The following NMU variants were observed in gnomAD, a reference collection of about 807,000 sequenced individuals.
NMU encodes neuromedin U.
NMU carries 29 observed loss-of-function variants against 35.4 expected under a neutral mutation model. The ratio of observed to expected loss-of-function variants is 0.82; its 90% CI spans 0.61 to 1.12. The LOEUF (loss-of-function observed/expected upper bound fraction) is 1.12, where lower values mean the gene tolerates loss of function less well. Ranked by LOEUF, NMU falls within the 50% of genes most tolerant of loss-of-function variation. The pLI is 0.00. For missense variants in NMU, 199 were observed against 206.2 expected (o/e 0.97, Z 0.21); for synonymous variants, 78 against 81.3 (o/e 0.96, Z 0.22).
intron 1 of NMU, among the ~76,000 whole-genome samples, chr4:55,632,712 A>G (rs1403867023): frequency 6.6e-6 from 1 of 152,156 alleles, no homozygotes; most frequent in Non-Finnish European, 1.5e-5. Context: ...TTCCTGTTTA[A>G]ATAATGCTAA....
intron 5 of NMU, 37 bp from the exon 6 acceptor site, chr4:55,607,385 T>A: frequency 1.4e-6 from 2 of 1,402,518 alleles, no homozygotes; most frequent in East Asian, 2.3e-5. Context: ...CTATAAAAAT[T>A]AATGGTTCCC....
chr4:55,602,567 A>T (rs10011801), intron 7 of NMU, among the ~76,000 whole-genome samples: 26,429 of 152,176 alleles, frequency 0.17, 2,443 homozygotes, highest in South Asian at 0.24. Context: ...ATGTAGTCAC[A>T]CTAATGATTG....
chr4:55,597,668 G>A (rs78055974), intron 9 of NMU, among the ~76,000 whole-genome samples: 3,308 of 152,098 alleles, frequency 0.022, 104 homozygotes, highest in African/African-American at 0.075. Flanking sequence ...GCCCAGCCGC[G>A]GGTATAGTTT....
At chr4:55,599,015 TAA>T in intron 9 of NMU, 125 bp downstream of exon 9, 1 of 656,542 alleles carries the variant, frequency 1.5e-6, no homozygotes, top group Non-Finnish European at 2.7e-6. Context: ...TGCAATCAAA[TAA>T]TAGAAATACA....
intron 7 of NMU, among the ~76,000 whole-genome samples, 154 bp from the exon 8 acceptor site, chr4:55,600,729 C>A (rs1177371217): frequency 6.6e-6 from 1 of 152,022 alleles, no homozygotes; most frequent in Non-Finnish European, 1.5e-5. Flanking sequence ...TTGTATCATA[C>A]CTGAAAATTT....
chr4:55,611,449 A>C (rs1212020685), intron 3 of NMU, among the ~76,000 whole-genome samples: 3 of 152,190 alleles, frequency 2.0e-5, no homozygotes, highest in Non-Finnish European at 2.9e-5. Flanking sequence ...AAAAATTTTT[A>C]AATAAATTTA....
At chr4:55,619,467 A>C (rs1273348309) in intron 2 of NMU, among the ~76,000 whole-genome samples, 2 of 131,528 alleles carry the variant, frequency 1.5e-5, no homozygotes, top group Non-Finnish European at 3.3e-5. Flanking sequence ...CGGCTTAAGA[A>C]ACGGCGCACC....
At chr4:55,635,290 G>C (rs1297189757) in intron 1 of NMU, among the ~76,000 whole-genome samples, 2 of 152,122 alleles carry the variant, frequency 1.3e-5, no homozygotes, top group Admixed American at 1.3e-4. Context: ...CGTTCTGCTC[G>C]GCTATGTCTC....
At chr4:55,615,187 G>A (rs1249876400) in intron 3 of NMU, among the ~76,000 whole-genome samples, 1 of 152,188 alleles carries the variant, frequency 6.6e-6, no homozygotes, top group African/African-American at 2.4e-5. Flanking sequence ...TCCATGCAGA[G>A]GAGCTAGATT....
intron 1 of NMU, among the ~76,000 whole-genome samples, chr4:55,634,078 C>T (rs2110216536): frequency 6.6e-6 from 1 of 152,216 alleles, no homozygotes; most frequent in South Asian, 2.1e-4. Context: ...TTTAGTGACA[C>T]TTTTATTTTC....
At chr4:55,631,474 G>C (rs1424685988) in intron 1 of NMU, among the ~76,000 whole-genome samples, 1 of 151,550 alleles carries the variant, frequency 6.6e-6, no homozygotes, top group African/African-American at 2.4e-5. Context: ...AAATCAGTGA[G>C]AAAAAACAAT....
At chr4:55,610,472 A>G (rs1302521943) in intron 3 of NMU, among the ~76,000 whole-genome samples, 3 of 151,758 alleles carry the variant, frequency 2.0e-5, no homozygotes, top group Non-Finnish European at 4.4e-5. Flanking sequence ...CAGAAAAAAA[A>G]AAAAAAGAAA....
In NMU at chr4:55,595,370, T is replaced by C. The variant is rs1010950424; in HGVS notation, c.*46A>G. 7 of 152,284 alleles carry C rather than the reference T, an allele frequency of 4.6e-5. No homozygotes were observed. Among genetic ancestry groups the C allele is most frequent in the Admixed American group, 6.6e-5 (1 of 15,218 alleles). The allele number at this position is 152,284 out of a possible 1,614,324, so 9.4% of individuals were successfully genotyped here. ...GAAGAAAACAAAATGTCAGTACATT[T>C]TGTATTCCATAGCATTGCTCTGTGG... On this transcript the variant is annotated 3_prime_UTR_variant, in exon 10 of 10. Transcript: ENST00000264218.
At chr4:55,628,386 G>C (rs1159883254) in intron 2 of NMU, among the ~76,000 whole-genome samples, 4 of 151,896 alleles carry the variant, frequency 2.6e-5, no homozygotes, top group African/African-American at 9.7e-5. Flanking sequence ...CCTGCCTTTT[G>C]AAATCAGTAC....
Position 55,636,004 on chromosome 4 carries a change from G to T in NMU, c.112+77C>A. The T allele has an allele frequency of 6.5e-7, 1 of 1,530,174 alleles. No homozygotes were observed. The highest frequency in any genetic ancestry group is 1.2e-5 in the South Asian group (1 of 83,610). The allele number at this position is 1,530,174 out of a possible 1,614,324, so 94.8% of individuals were successfully genotyped here. Reference sequence around the variant, plus strand: ...AAGCCAAGTAAAGGTGAGAGAAAGAGGGTGGAGGAGAGCGGTGAGTGGAGC... The same window carrying T: ...AAGCCAAGTAAAGGTGAGAGAAAGATGGTGGAGGAGAGCGGTGAGTGGAGC... On this transcript the variant is annotated intron_variant, in intron 1 of 9. Transcript: ENST00000264218. This position sits in a 1 kb window ranked among gnomAD's most constrained non-coding sequence, Gnocchi z 4.0.
chr4:55,618,747 CTCTT>C (rs1046718478), intron 2 of NMU, among the ~76,000 whole-genome samples: 17 of 113,244 alleles, frequency 1.5e-4, no homozygotes, highest in African/African-American at 6.3e-5. Context: ...TCTTTTTCTT[CTCTT>C]TCTTTCTTCT....
intron 2 of NMU, among the ~76,000 whole-genome samples, chr4:55,620,084 T>C (rs1734324629): frequency 8.3e-6 from 1 of 120,632 alleles, no homozygotes; most frequent in African/African-American, 3.0e-5. Flanking sequence ...ACAGAAAAAC[T>C]GGAAACTCTA....
intron 3 of NMU, 146 bp downstream of exon 3, chr4:55,616,191 TA>T: frequency 1.5e-6 from 1 of 681,706 alleles, no homozygotes; most frequent in Non-Finnish European, 2.7e-6. Flanking sequence ...AAGCCCACAG[TA>T]TTGATTATTA....
intron 9 of NMU, 69 bp downstream of exon 9, chr4:55,599,073 T>A: frequency 9.6e-7 from 1 of 1,038,868 alleles, no homozygotes; most frequent in Non-Finnish European, 1.5e-6. Context: ...ACAGCAAATG[T>A]CAAACTGTGT....
Sources: allele counts gnomAD v4.1 joint callset (sites outside exome capture counted in the v4.1 genomes callset), GRCh38; gene constraint gnomAD v4.1.1; non-coding constraint Gnocchi (gnomAD v3.1); transcripts MANE v1.5; gene names NCBI Gene and HGNC (gene_info 2026-07-23, HGNC 2026-07-21).